GLIS1: variants seen among roughly 807,000 people sequenced by gnomAD.
GLIS1 encodes zinc finger protein GLIS1.
A neutral mutation model predicts 63.8 loss-of-function variants in GLIS1; 24 were observed. The observed-to-expected ratio is 0.38, with a 90% confidence interval of 0.27 to 0.53. The LOEUF is 0.53. GLIS1 is among the 20% of genes least tolerant of loss of function. GLIS1 has a pLI of 0.85. For synonymous variants in GLIS1, 450 were observed against 482.5 expected (o/e 0.93, Z 0.88); for missense variants, 1,036 against 1,074.1 (o/e 0.96, Z 0.50).
chr1:53,642,365 T>C (rs1446944372), intron 2 of GLIS1, among the ~76,000 whole-genome samples: 3 of 152,178 alleles, frequency 2.0e-5, no homozygotes, highest in Admixed American at 6.5e-5. Flanking sequence ...CTGGGTTCCC[T>C]GCACCTATTT....
intron 8 of GLIS1, 110 bp downstream of exon 8, chr1:53,514,515 T>A: frequency 8.8e-7 from 1 of 1,136,078 alleles, no homozygotes; most frequent in East Asian, 2.5e-5. Flanking sequence ...GGTTGGCTAT[T>A]TTCATTATCA....
At position 53,594,833 on chromosome 1, in the gene GLIS1, G is replaced by C. The variant is rs1645237738; in HGVS notation, c.595C>G (p.Leu199Val). 19 of 1,604,576 alleles carry C rather than the reference G, an allele frequency of 1.2e-5. No homozygotes were observed. Among genetic ancestry groups the C allele is most frequent in the Non-Finnish European group, 1.6e-5 (19 of 1,177,252 alleles). Reference protein sequence around the residue: ...GPLATGLHPDLDLPGRSLATP... With the variant: ...GPLATGLHPDVDLPGRSLATP... ...GCGAGGCTTCGGCCCGGGAGGTCCA[G>C]GTCTGGGTGCAGGCCAGTGGCCAGC... The change falls in exon 4 of 11, where the codon CTG becomes GTG. Residue 199 changes from leucine to valine, a missense_variant. Leu to Val is a conservative substitution (Grantham distance 32). Transcript: ENST00000628545.
At position 53,601,302 on chromosome 1, in the gene GLIS1, C is replaced by T. The variant is rs138931986; in HGVS notation, c.260-1024G>A. Among the ~76,000 whole-genome samples the T allele has an allele frequency of 2.3e-3, 347 of 152,310 alleles. 2 individuals carry two copies. Among genetic ancestry groups the T allele is most frequent in the Middle Eastern group, 0.014 (4 of 294 alleles). The stretch of plus-strand genomic sequence containing the variant: ...GAGCAGGGGCACAAAGTCTCTAGCA[C>T]GGTGCTGAAACCTAGTGGATGCACC... On this transcript the variant is annotated intron_variant, in intron 2 of 10. Coordinates refer to ENST00000628545, the MANE Select transcript of GLIS1 (RefSeq NM_001367484.1).
chr1:53,695,266 T>C (rs143928439), intron 2 of GLIS1, among the ~76,000 whole-genome samples: 2,460 of 152,258 alleles, frequency 0.016, 22 homozygotes, highest in Admixed American at 0.031. Context: ...GCAGCTCCCA[T>C]GTGTAAAAGG....
intron 7 of GLIS1, among the ~76,000 whole-genome samples, chr1:53,516,851 C>G (rs1377583148): frequency 6.6e-6 from 1 of 151,704 alleles, no homozygotes; most frequent in Non-Finnish European, 1.5e-5. Flanking sequence ...CCACCACCAC[C>G]GAAAAGTGCC....
intron 2 of GLIS1, among the ~76,000 whole-genome samples, chr1:53,722,826 G>A (rs1157882293): frequency 4.2e-5 from 6 of 143,330 alleles, no homozygotes; most frequent in East Asian, 2.1e-4. Context: ...GTGAGACCCC[G>A]TCTCAAAAAA....
chr1:53,680,090 T>C (rs1439932919), intron 2 of GLIS1, among the ~76,000 whole-genome samples: 1 of 151,780 alleles, frequency 6.6e-6, no homozygotes, highest in African/African-American at 2.4e-5. Flanking sequence ...CCAGCCCAAA[T>C]GTCTGCTGAA....
At chr1:53,525,785 A>G (rs577346517) in intron 5 of GLIS1, among the ~76,000 whole-genome samples, 26 of 151,870 alleles carry the variant, frequency 1.7e-4, no homozygotes, top group African/African-American at 6.0e-4. Context: ...GCACCTCCTC[A>G]GCTCTCCCGC....
At chr1:53,602,008 C>A (rs1272782801) in intron 2 of GLIS1, among the ~76,000 whole-genome samples, 1 of 152,146 alleles carries the variant, frequency 6.6e-6, no homozygotes, top group Non-Finnish European at 1.5e-5. Flanking sequence ...CATATGGGAG[C>A]CTCCACGTTC....
chr1:53,712,282 C>T (rs775397474), intron 2 of GLIS1, among the ~76,000 whole-genome samples: 4 of 152,342 alleles, frequency 2.6e-5, no homozygotes, highest in South Asian at 2.1e-4. Context: ...GATTCTGATG[C>T]AGCAGGTCTG....
Position 53,600,281 on chromosome 1 carries a change from A to G in GLIS1, c.260-3T>C. ...ACGGTGTCCGTAGCTCCCATTCACT[A>G]GGCAGAGAAAGACAGGGAGAGAGGG... On this transcript the variant is annotated splice_polypyrimidine_tract_variant and splice_region_variant and intron_variant, in intron 2 of 10. Coordinates refer to ENST00000628545, the MANE Select transcript of GLIS1 (RefSeq NM_001367484.1). The G allele has an allele frequency of 1.6e-6, 2 of 1,231,816 alleles. No individual in the cohort carries two copies. Among genetic ancestry groups the G allele is most frequent in the Non-Finnish European group, 2.0e-6 (2 of 987,696 alleles). The allele number at this position is 1,231,816 out of a possible 1,614,324, so 76.3% of individuals were successfully genotyped here.
chr1:53,717,872 A>T lies in GLIS1; in HGVS notation c.259+19934T>A, dbSNP rs193054436. The stretch of plus-strand genomic sequence containing the variant: ...CTAACTCACAGCAGGTGCTCAACAA[A>T]AATGTAAGTTAAAAAAAAAACTTGC... On this transcript the variant is annotated intron_variant, in intron 2 of 10. Transcript: ENST00000628545. Among the ~76,000 whole-genome samples the T allele has an allele frequency of 8.5e-5, 13 of 152,256 alleles. 1 individual carries two copies. In the South Asian group the frequency reaches 1.7e-3, roughly 19 times the overall value.
chr1:53,704,143 T>C (rs1285517394), intron 2 of GLIS1, among the ~76,000 whole-genome samples: 1 of 152,262 alleles, frequency 6.6e-6, no homozygotes, highest in Admixed American at 6.5e-5. Context: ...ATGTGGCCTT[T>C]GAAAAGTCTT....
chr1:53,524,963 G>A (rs1346008793), intron 5 of GLIS1, 76 bp from the exon 6 acceptor site: 4 of 1,109,162 alleles, frequency 3.6e-6, no homozygotes, highest in Non-Finnish European at 5.4e-6. Flanking sequence ...GACCTGCTGT[G>A]GGGAGGTGAC....
chr1:53,588,768 G>C (rs754067949), intron 4 of GLIS1, among the ~76,000 whole-genome samples: 14 of 152,220 alleles, frequency 9.2e-5, no homozygotes, highest in Non-Finnish European at 2.1e-4. Flanking sequence ...AAGAGGTTGG[G>C]CAAAAGTAGA....
intron 2 of GLIS1, among the ~76,000 whole-genome samples, chr1:53,628,041 G>T (rs996196966): frequency 6.6e-6 from 1 of 152,158 alleles, no homozygotes; most frequent in African/African-American, 2.4e-5. Flanking sequence ...TGGGGGAGAG[G>T]GAGAGACAGC....
In GLIS1 at chr1:53,526,162, C is replaced by T. The variant is rs1290478051; in HGVS notation, c.1483-1275G>A. Among the ~76,000 whole-genome samples, 1 of 152,172 alleles carries T rather than the reference C, an allele frequency of 6.6e-6. No individual in the cohort carries two copies. The highest frequency in any genetic ancestry group is 6.5e-5 in the Admixed American group (1 of 15,288). On this transcript the variant is annotated intron_variant, in intron 5 of 10. Transcript: ENST00000628545. The surrounding 1 kb of genome is among the most constrained non-coding windows in gnomAD (Gnocchi z 4.4). Reference sequence around the variant, plus strand: ...AGAAGGATTGGAGGAAATGACACCTCTCAGAGTGAGTGCCAGGGACTGCCA... The same window carrying T: ...AGAAGGATTGGAGGAAATGACACCTTTCAGAGTGAGTGCCAGGGACTGCCA...
intron 3 of GLIS1, 35 bp from the exon 4 acceptor site, chr1:53,595,025 T>G (rs1233871471): frequency 7.2e-6 from 10 of 1,391,356 alleles, no homozygotes; most frequent in Non-Finnish European, 8.4e-6. Flanking sequence ...CATGAGAGGC[T>G]GGGCTCGCCA....
At chr1:53,734,678 T>C (rs1570120176) in intron 2 of GLIS1, among the ~76,000 whole-genome samples, 1 of 152,228 alleles carries the variant, frequency 6.6e-6, no homozygotes, top group Non-Finnish European at 1.5e-5. Context: ...CCAGCTGGCG[T>C]GAGGGCAGAC....
Sources: gnomAD v4.1 joint callset for allele counts (sites outside exome capture counted in the v4.1 genomes callset) on GRCh38, gnomAD v4.1.1 for gene constraint, Gnocchi (gnomAD v3.1) non-coding constraint, MANE v1.5 for transcripts, NCBI Gene and HGNC (gene_info 2026-07-23, HGNC 2026-07-21) for gene names.